Variants in ZFHX4 observed in about 807,000 individuals in gnomAD.
ZFHX4 encodes the protein zinc finger homeobox 4, also known as zinc finger homeobox protein 4.
ZFHX4 carries 56 observed loss-of-function variants against 267.6 expected under a neutral mutation model. The ratio of observed to expected loss-of-function variants is 0.21; its 90% CI spans 0.17 to 0.26. ZFHX4 has a LOEUF of 0.26. ZFHX4 is among the 10% of genes least tolerant of loss of function. The pLI is 1.00. For missense variants in ZFHX4, 4,332 were observed against 4,420.0 expected (o/e 0.98, Z 0.56); for synonymous variants, 1,778 against 1,665.6 (o/e 1.07, Z -1.64).
intron 4 of ZFHX4, among the ~76,000 whole-genome samples, chr8:76,779,964 G>A (rs1021004052): frequency 6.6e-6 from 1 of 151,738 alleles, no homozygotes; most frequent in African/African-American, 2.4e-5. Flanking sequence ...TTTTTGCTAA[G>A]GCATATGATG....
chr8:76,823,900 T>A (rs1811719389), intron 4 of ZFHX4, among the ~76,000 whole-genome samples: 2 of 152,190 alleles, frequency 1.3e-5, no homozygotes, highest in Admixed American at 1.3e-4. Flanking sequence ...AGCGATGCAT[T>A]CCATGGCAGG....
chr8:76,749,135 G>A (rs1018489293), intron 3 of ZFHX4, among the ~76,000 whole-genome samples: 1 of 152,170 alleles, frequency 6.6e-6, no homozygotes, highest in African/African-American at 2.4e-5. Context: ...GATACTACAT[G>A]TATTCACTTC....
Position 76,704,456 on chromosome 8 carries a change from A to G in ZFHX4, c.368A>G (p.Asp123Gly). Residue 123 changes from aspartate (D) to glycine (G), a missense_variant, in exon 2 of 11, where the codon GAC becomes GGC. Transcript: ENST00000651372. ...ESEISELEDS[D>G]VENLTGEIVY... ...GAGATCAGCGAGTTAGAGGACAGTG[A>G]CGTGGAAAATCTAACAGGGGAGATC... The G allele has an allele frequency of 1.9e-6, 3 of 1,614,008 alleles. No homozygotes were observed. The highest frequency in any genetic ancestry group is 2.5e-6 in the Non-Finnish European group (3 of 1,179,898).
In ZFHX4 at chr8:76,863,383, A is replaced by T; in HGVS notation, c.9669A>T (p.Ser3223=). Residue 3223 remains serine, a synonymous_variant, in exon 11 of 11, where the codon TCA becomes TCT. Coordinates refer to ENST00000651372, the MANE Select transcript of ZFHX4 (RefSeq NM_024721.5). ...ACCCCAAAAAAGAGGAAAAAATCTCATCTGCTCTTTCAGTGTTGGGCAAAG... is the reference window on the plus strand; with the variant it reads ...ACCCCAAAAAAGAGGAAAAAATCTCTTCTGCTCTTTCAGTGTTGGGCAAAG... ...EKHPKKEEKI[S]SALSVLGKVV... 1 of 1,613,728 alleles carries T rather than the reference A, an allele frequency of 6.2e-7. No individual in the cohort carries two copies. The highest frequency in any genetic ancestry group is 8.5e-7 in the Non-Finnish European group (1 of 1,179,644).
At chr8:76,759,980 G>T (rs1175666482) in intron 3 of ZFHX4, among the ~76,000 whole-genome samples, 1 of 152,070 alleles carries the variant, frequency 6.6e-6, no homozygotes, top group Non-Finnish European at 1.5e-5. Flanking sequence ...TTTAGTTACA[G>T]AAACCATAGA....
At chr8:76,731,425 A>T (rs1459881925) in intron 3 of ZFHX4, among the ~76,000 whole-genome samples, 1 of 152,164 alleles carries the variant, frequency 6.6e-6, no homozygotes, top group Non-Finnish European at 1.5e-5. Context: ...TCAAGAAAGA[A>T]TTGGTTGTTT....
chr8:76,696,091 CA>C (rs1293514550), intron 1 of ZFHX4, among the ~76,000 whole-genome samples: 1 of 152,164 alleles, frequency 6.6e-6, no homozygotes. Flanking sequence ...CTGCAAACCT[CA>C]TGACTTGTAG....
At chr8:76,715,920 G>A (rs1388127307) in intron 3 of ZFHX4, among the ~76,000 whole-genome samples, 3 of 152,074 alleles carry the variant, frequency 2.0e-5, no homozygotes. Context: ...TTGCTTAAGG[G>A]GTTAGTGTTA....
chr8:76,682,688 C>CGT (rs138672735), intron 1 of ZFHX4: 23 of 152,234 alleles, frequency 1.5e-4, no homozygotes, highest in East Asian at 9.7e-4. Context: ...TGTGCGTGTG[C>CGT]GTGTGTGTGT....
At position 76,854,256 on chromosome 8, in the gene ZFHX4, G is replaced by A; in HGVS notation, c.7335G>A (p.Gln2445=). The change falls in exon 10 of 11, where the codon CAG becomes CAA. Residue 2445 remains glutamine (Q), a synonymous_variant. Transcript: ENST00000651372. ...ACCCACCACAGGCATCCACAGCCCA[G>A]CCACAGCCACAGCCACAGCCACCAA... is the stretch of plus-strand genomic sequence containing the variant. ...SSDPPQASTA[Q]PQPQPQPPKQ... 6.4e-7 allele frequency: 1 copy of A among 1,574,666 alleles called. No individual in the cohort carries two copies. Among genetic ancestry groups the A allele is most frequent in the Non-Finnish European group, 8.6e-7 (1 of 1,160,232 alleles).
chr8:76,782,337 G>A (rs1423384204), intron 4 of ZFHX4: 3 of 203,126 alleles, frequency 1.5e-5, no homozygotes, highest in African/African-American at 7.0e-5. Flanking sequence ...AATTGAAAAT[G>A]TTATAAATGG....
At chr8:76,840,587 AC>A (rs1812209029) in intron 5 of ZFHX4, among the ~76,000 whole-genome samples, 1 of 152,130 alleles carries the variant, frequency 6.6e-6, no homozygotes, top group Non-Finnish European at 1.5e-5. Context: ...CTCCTGACAC[AC>A]AATGTTTTAT....
At chr8:76,811,218 C>G (rs1447793979) in intron 4 of ZFHX4, among the ~76,000 whole-genome samples, 1 of 152,184 alleles carries the variant, frequency 6.6e-6, no homozygotes, top group African/African-American at 2.4e-5. Context: ...GTTTTTCTGC[C>G]TCTGTGAGGA....
chr8:76,708,351 A>G (rs1808335973), intron 3 of ZFHX4: 4 of 311,416 alleles, frequency 1.3e-5, no homozygotes, highest in African/African-American at 7.3e-5. Context: ...TACTTTTTAA[A>G]CCTATTGATT....
chr8:76,785,926 T>C (rs1174345460), intron 4 of ZFHX4, among the ~76,000 whole-genome samples: 1 of 152,212 alleles, frequency 6.6e-6, no homozygotes, highest in Non-Finnish European at 1.5e-5. Flanking sequence ...ATTTTGACTC[T>C]GAATCTGAAC....
At chr8:76,808,846 G>T (rs564668159) in intron 4 of ZFHX4, among the ~76,000 whole-genome samples, 4 of 151,520 alleles carry the variant, frequency 2.6e-5, no homozygotes, top group Non-Finnish European at 5.9e-5. Flanking sequence ...AGTCCTTTTC[G>T]CACTTACCTA....
In ZFHX4 at chr8:76,863,924, A is replaced by T; in HGVS notation, c.10210A>T (p.Ile3404Leu). The T allele has an allele frequency of 6.3e-7, 1 of 1,595,240 alleles. No individual in the cohort carries two copies. Among genetic ancestry groups the T allele is most frequent in the Admixed American group, 1.8e-5 (1 of 56,548 alleles). ...YVVPFVKYEF[I>L]CRKCQMMFTD... ...TGTTCCATTCGTCAAGTATGAGTTT[A>T]TATGCAGAAAGTGCCAGATGATGTT... is the stretch of plus-strand genomic sequence containing the variant. Residue 3404 changes from isoleucine (I) to leucine (L), a missense_variant, in exon 11 of 11, where the codon ATA becomes TTA. Ile to Leu is a conservative substitution (Grantham distance 5). This residue lies in a region of ZFHX4 where 1,648 missense variants were observed against 1,625.0 expected (regional missense o/e 1.01). Transcript: ENST00000651372.
rs1338472482 is a variant in ZFHX4 at position 76,849,732 on chromosome 8, A to G, written c.3846+20A>G. The G allele has an allele frequency of 6.3e-7, 1 of 1,597,132 alleles. No homozygotes were observed. Among genetic ancestry groups the G allele is most frequent in the African/African-American group, 1.3e-5 (1 of 74,652 alleles). ...ATGACAGTAAGGATACCAAATATTG[A>G]TGCATGTGTGACATAATCTGTGTCA... On this transcript the variant is annotated intron_variant, in intron 8 of 10. Coordinates refer to ENST00000651372, the MANE Select transcript of ZFHX4 (RefSeq NM_024721.5).
In ZFHX4 at chr8:76,856,251, C is replaced by T. The variant is rs771817655; in HGVS notation, c.9330C>T (p.Pro3110=). 1.9e-6 allele frequency: 3 copies of T among 1,613,782 alleles called. No homozygotes were observed. Among genetic ancestry groups the T allele is most frequent in the African/African-American group, 1.3e-5 (1 of 74,908 alleles). Reference sequence around the variant, plus strand: ...CCGGCCTTCCTCCAGTCCTTCTCCCCGGAATGAACGGTCCATCCTCCTTGC... The same window carrying T: ...CCGGCCTTCCTCCAGTCCTTCTCCCTGGAATGAACGGTCCATCCTCCTTGC... ...GLPGLPPVLL[P]GMNGPSSLPG... is the part of the protein sequence containing the mutation. The change falls in exon 10 of 11, where the codon CCC becomes CCT. Residue 3110 remains proline (P), a synonymous_variant. Transcript: ENST00000651372.
Sources: allele counts gnomAD v4.1 joint callset (sites outside exome capture counted in the v4.1 genomes callset), GRCh38; gene constraint gnomAD v4.1.1; regional missense constraint gnomAD v4.1.1; transcripts MANE v1.5; gene names NCBI Gene and HGNC (gene_info 2026-07-23, HGNC 2026-07-21).